GNAS-AS1: variants seen among roughly 807,000 people sequenced by gnomAD.
The protein encoded by GNAS-AS1 is GNAS antisense RNA 1.
At chr20:58,823,414 C>T (rs1600643066) in intron 4 of GNAS-AS1, among the ~76,000 whole-genome samples, 1 of 152,210 alleles carries the variant, frequency 6.6e-6, no homozygotes, top group Non-Finnish European at 1.5e-5. Context: ...AAGGAGAAGG[C>T]TGGCAGGGGC....
Position 58,841,210 on chromosome 20 carries a change from C to A in GNAS-AS1, n.819+727G>T. On this transcript the variant is annotated intron_variant and non_coding_transcript_variant, in intron 4 of 4. Transcript: ENST00000424094. The surrounding 1 kb of genome is among the most constrained non-coding windows in gnomAD (Gnocchi z 5.0). ...CACCCCAGATTTGGAGCTGCACACC[C>A]AAACGGCATTGGTAAGTCACTTGTT... is the stretch of plus-strand genomic sequence containing the variant. 1.5e-6 allele frequency: 1 copy of A among 651,626 alleles called. No individual in the cohort carries two copies. Among genetic ancestry groups the A allele is most frequent in the Non-Finnish European group, 2.1e-6 (1 of 465,316 alleles). The allele number at this position is 651,626 out of a possible 1,614,324, so 40.4% of individuals were successfully genotyped here.
At chr20:58,825,860 T>A (rs559121225) in intron 4 of GNAS-AS1, among the ~76,000 whole-genome samples, 22 of 152,316 alleles carry the variant, frequency 1.4e-4, no homozygotes, top group African/African-American at 5.3e-4. Context: ...GCTCCCGGCA[T>A]GGACGAGAGG....
Position 58,841,346 on chromosome 20 carries a change from GCCGCGCTGTAGAGACA to G in GNAS-AS1, n.819+575_819+590del. 2 of 1,057,968 alleles carry G rather than the reference GCCGCGCTGTAGAGACA, an allele frequency of 1.9e-6. No individual in the cohort carries two copies. Among genetic ancestry groups the G allele is most frequent in the Non-Finnish European group, 2.3e-6 (2 of 874,764 alleles). The allele number at this position is 1,057,968 out of a possible 1,614,324, so 65.5% of individuals were successfully genotyped here. ...CGCCAACTTTCACGATGTGAGAGCA[GCCGCGCTGTAGAGACA>G]CCGTTGAAATGTGCGGAAAGTAATC... On this transcript the variant is annotated intron_variant and non_coding_transcript_variant, in intron 4 of 4. Transcript: ENST00000424094. The surrounding 1 kb of genome is among the most constrained non-coding windows in gnomAD (Gnocchi z 5.0).
At chr20:58,839,106 T>C in intron 4 of GNAS-AS1, 1 of 398,458 alleles carries the variant, frequency 2.5e-6, no homozygotes, top group East Asian at 3.6e-5. Context: ...CTCAGCTCAA[T>C]CGAGCTCAGG....
chr20:58,826,460 G>A (rs930153232), intron 4 of GNAS-AS1, among the ~76,000 whole-genome samples: 3 of 152,164 alleles, frequency 2.0e-5, no homozygotes, highest in African/African-American at 7.2e-5. Context: ...ACGACGAGTG[G>A]GCAGGGGGAG....
At chr20:58,830,609 CCACCA>C (rs2085561629) in intron 4 of GNAS-AS1, among the ~76,000 whole-genome samples, 1 of 121,848 alleles carries the variant, frequency 8.2e-6, no homozygotes, top group Non-Finnish European at 1.7e-5. Context: ...ACCACCATCA[CCACCA>C]CACCACCATC....
At chr20:58,825,671 C>T (rs1374675589) in intron 4 of GNAS-AS1, among the ~76,000 whole-genome samples, 1 of 152,132 alleles carries the variant, frequency 6.6e-6, no homozygotes, top group Non-Finnish European at 1.5e-5. Flanking sequence ...AAAATGACCT[C>T]GATATTCCTA....
intron 4 of GNAS-AS1, chr20:58,839,995 A>G: frequency 8.2e-7 from 1 of 1,212,420 alleles, no homozygotes. Context: ...CCTCCGGGCC[A>G]GCTTCTCACC....
chr20:58,843,672 T>C (rs1453465359), intron 2 of GNAS-AS1, among the ~76,000 whole-genome samples: 1 of 152,208 alleles, frequency 6.6e-6, no homozygotes, highest in Non-Finnish European at 1.5e-5. Flanking sequence ...AGCAGGAGAA[T>C]AAAGCTAGCT....
In GNAS-AS1 at chr20:58,840,738, A is replaced by G; in HGVS notation, n.819+1199T>C. 1 of 1,605,388 alleles carries G rather than the reference A, an allele frequency of 6.2e-7. No homozygotes were observed. The highest frequency in any genetic ancestry group is 2.2e-5 in the East Asian group (1 of 44,824). ...GACCCCGAAGAGTCGAAGGAGCCCA[A>G]GGAGGAGAAGCAGCGGCGTCGCTGC... On this transcript the variant is annotated intron_variant and non_coding_transcript_variant, in intron 4 of 4. Coordinates refer to ENST00000424094, the Ensembl canonical transcript of GNAS-AS1. The surrounding 1 kb of genome is among the most constrained non-coding windows in gnomAD (Gnocchi z 6.0).
chr20:58,833,344 T>C (rs996268326), intron 4 of GNAS-AS1, among the ~76,000 whole-genome samples: 5 of 152,204 alleles, frequency 3.3e-5, no homozygotes, highest in African/African-American at 1.2e-4. Context: ...TTATGATGAC[T>C]TTTAGCCGAA....
At chr20:58,827,015 CTA>C (rs754646799) in intron 4 of GNAS-AS1, 1 of 151,666 alleles carries the variant, frequency 6.6e-6, no homozygotes, top group Non-Finnish European at 1.5e-5. Context: ...CCTGGCTGAA[CTA>C]TGTTATTTCT....
rs139550199 is a variant in GNAS-AS1 at position 58,843,567 on chromosome 20, T to C, written n.414-1022A>G. Among the ~76,000 whole-genome samples, 762 of 152,300 alleles carry C rather than the reference T, an allele frequency of 5.0e-3. 2 individuals carry two copies. Among genetic ancestry groups the C allele is most frequent in the African/African-American group, 0.016 (669 of 41,562 alleles). On this transcript the variant is annotated intron_variant and non_coding_transcript_variant, in intron 2 of 4. Transcript: ENST00000424094. ...ATAGGTGAGGTCTGCGGGGTGAGGATAGGCTCCCAAGAAAAAGCAGATCTT... is the reference window on the plus strand; with the variant it reads ...ATAGGTGAGGTCTGCGGGGTGAGGACAGGCTCCCAAGAAAAAGCAGATCTT...
chr20:58,829,891 T>C (rs1237354602), intron 4 of GNAS-AS1, among the ~76,000 whole-genome samples: 2 of 152,060 alleles, frequency 1.3e-5, no homozygotes, highest in African/African-American at 4.8e-5. Flanking sequence ...CTGCATGCAT[T>C]CACCATTGTA....
At chr20:58,828,924 C>T (rs1201026383) in intron 4 of GNAS-AS1, among the ~76,000 whole-genome samples, 6 of 139,394 alleles carry the variant, frequency 4.3e-5, no homozygotes, top group African/African-American at 1.6e-4. Flanking sequence ...CTCCTGGCCC[C>T]ACCGCCCCAC....
intron 4 of GNAS-AS1, among the ~76,000 whole-genome samples, chr20:58,829,484 G>T (rs73915937): frequency 0.012 from 1,903 of 152,294 alleles, 26 homozygotes; most frequent in African/African-American, 0.042. Flanking sequence ...TTAACCTGTT[G>T]GGCCCAGAGA....
intron 2 of GNAS-AS1, among the ~76,000 whole-genome samples, chr20:58,848,526 T>A (rs182906216): frequency 7.2e-5 from 11 of 152,350 alleles, no homozygotes; most frequent in African/African-American, 2.4e-4. Context: ...TTTGCTATTA[T>A]ACAATTATAA....
intron 4 of GNAS-AS1, chr20:58,834,345 C>T: frequency 6.6e-6 from 1 of 152,588 alleles, no homozygotes; most frequent in Non-Finnish European, 1.5e-5. Context: ...GTGGGCAGGG[C>T]AGAGGTGGAC....
At chr20:58,820,769 G>A (rs568537469) in intron 4 of GNAS-AS1, among the ~76,000 whole-genome samples, 40 of 152,326 alleles carry the variant, frequency 2.6e-4, no homozygotes, top group Non-Finnish European at 4.9e-4. Flanking sequence ...GCAAACTCCC[G>A]TTTTTTAAAA....
Sources: gnomAD v4.1 joint callset for allele counts (sites outside exome capture counted in the v4.1 genomes callset) on GRCh38, gnomAD v4.1.1 for gene constraint, Gnocchi (gnomAD v3.1) non-coding constraint, MANE v1.5 for transcripts, NCBI Gene and HGNC (gene_info 2026-07-23, HGNC 2026-07-21) for gene names.